ZBTB7C: variants seen among roughly 807,000 people sequenced by gnomAD.
ZBTB7C encodes zinc finger and BTB domain-containing protein 7C.
ZBTB7C carries 8 observed loss-of-function variants against 25.7 expected under a neutral mutation model. The observed-to-expected ratio is 0.31, with a 90% CI of 0.18 to 0.56. The LOEUF (loss-of-function observed/expected upper bound fraction) is 0.56. ZBTB7C is among the 20% of genes least tolerant of loss of function. The pLI is 0.91. For missense variants in ZBTB7C, 824 were observed against 855.2 expected (o/e 0.96, Z 0.46); for synonymous variants, 394 against 369.0 (o/e 1.07, Z -0.78).
chr18:48,370,473 T>A (rs1024310494), intron 1 of ZBTB7C, among the ~76,000 whole-genome samples: 4 of 152,194 alleles, frequency 2.6e-5, no homozygotes, highest in Non-Finnish European at 5.9e-5. Flanking sequence ...AGAATCCTTG[T>A]AGTGATGAAA....
intron 3 of ZBTB7C, among the ~76,000 whole-genome samples, chr18:48,171,906 A>G (rs1165810142): frequency 6.6e-6 from 1 of 152,252 alleles, no homozygotes; most frequent in Non-Finnish European, 1.5e-5. Flanking sequence ...CTTCAAGCTT[A>G]ATCCTTCCAG....
At chr18:48,358,810 G>T (rs1448888548) in intron 1 of ZBTB7C, among the ~76,000 whole-genome samples, 1 of 152,156 alleles carries the variant, frequency 6.6e-6, no homozygotes, top group African/African-American at 2.4e-5. Flanking sequence ...AAAAAACATT[G>T]CACTGTACAC....
intron 2 of ZBTB7C, among the ~76,000 whole-genome samples, chr18:48,277,668 G>T (rs1450902835): frequency 6.6e-6 from 1 of 152,212 alleles, no homozygotes; most frequent in Admixed American, 6.5e-5. Context: ...CCAAAATGTG[G>T]GAAACGGGCA....
At chr18:48,206,077 G>A (rs1229752616) in intron 2 of ZBTB7C, among the ~76,000 whole-genome samples, 1 of 152,176 alleles carries the variant, frequency 6.6e-6, no homozygotes, top group East Asian at 1.9e-4. Flanking sequence ...GTGTATACAT[G>A]TGTGGAAACT....
At position 48,141,554 on chromosome 18, in the gene ZBTB7C, G is replaced by A. The variant is rs74419841; in HGVS notation, c.-17+44380C>T. 6.6e-5 allele frequency among the ~76,000 whole-genome samples: 10 copies of A among 151,600 alleles called. No homozygotes were observed. In the South Asian group the frequency reaches 1.7e-3, roughly 25 times the overall value. ...AATTCTTCCATTGTAGAGAAAATTCGTGAACTGGGCGGGGGGGAAAGTAAC... is the reference window on the plus strand; with the variant it reads ...AATTCTTCCATTGTAGAGAAAATTCATGAACTGGGCGGGGGGGAAAGTAAC... On this transcript the variant is annotated intron_variant, in intron 3 of 4. Coordinates refer to ENST00000590800, the MANE Select transcript of ZBTB7C (RefSeq NM_001318841.2).
chr18:48,265,314 T>C (rs765579935), intron 2 of ZBTB7C, among the ~76,000 whole-genome samples: 4 of 152,210 alleles, frequency 2.6e-5, no homozygotes, highest in Non-Finnish European at 5.9e-5. Flanking sequence ...CTTATTGCAA[T>C]AGTTTCTGAT....
intron 3 of ZBTB7C, among the ~76,000 whole-genome samples, chr18:48,085,073 T>C (rs2038143466): frequency 6.6e-6 from 1 of 152,130 alleles, no homozygotes; most frequent in Non-Finnish European, 1.5e-5. Context: ...CATCTCAGTA[T>C]GGATGAGTTC....
chr18:48,180,083 A>C, intron 3 of ZBTB7C, among the ~76,000 whole-genome samples: 1 of 65,970 alleles, frequency 1.5e-5, no homozygotes. Flanking sequence ...CAAGGAAGAT[A>C]TTTCCCCTTC....
At chr18:48,087,567 C>A (rs2038237272) in intron 3 of ZBTB7C, 1 of 151,988 alleles carries the variant, frequency 6.6e-6, no homozygotes, top group Non-Finnish European at 1.5e-5. Context: ...GAAAAATCCT[C>A]CAAAGCTAGG....
intron 1 of ZBTB7C, among the ~76,000 whole-genome samples, chr18:48,377,672 G>A (rs1316323626): frequency 6.6e-6 from 1 of 152,192 alleles, no homozygotes; most frequent in Non-Finnish European, 1.5e-5. Flanking sequence ...AACTGGAGAA[G>A]AAACAAAGTA....
intron 3 of ZBTB7C, among the ~76,000 whole-genome samples, chr18:48,171,649 G>A (rs887769228): frequency 1.3e-5 from 2 of 152,244 alleles, no homozygotes; most frequent in East Asian, 3.8e-4. Context: ...AACTGTGCTT[G>A]AGTCCTAGCT....
intron 3 of ZBTB7C, among the ~76,000 whole-genome samples, chr18:48,144,006 G>T (rs776436267): frequency 6.6e-6 from 1 of 152,164 alleles, no homozygotes; most frequent in Non-Finnish European, 1.5e-5. Flanking sequence ...GGCCAGGAGC[G>T]GTGGCTCACA....
At chr18:48,082,591 T>C (rs901125046) in intron 3 of ZBTB7C, among the ~76,000 whole-genome samples, 1 of 152,110 alleles carries the variant, frequency 6.6e-6, no homozygotes, top group African/African-American at 2.4e-5. Flanking sequence ...AATTGTAATA[T>C]ATGTCTATGT....
intron 1 of ZBTB7C, among the ~76,000 whole-genome samples, chr18:48,372,082 C>A (rs1376179238): frequency 6.6e-6 from 1 of 152,218 alleles, no homozygotes; most frequent in Non-Finnish European, 1.5e-5. Flanking sequence ...CCCCTCACCC[C>A]AGGGCTGCTC....
At chr18:48,380,866 T>C (rs2047620732) in intron 1 of ZBTB7C, among the ~76,000 whole-genome samples, 1 of 152,222 alleles carries the variant, frequency 6.6e-6, no homozygotes, top group African/African-American at 2.4e-5. Flanking sequence ...GAAAGCTCTC[T>C]GAACTACCAT....
At chr18:48,346,167 C>T (rs72911555) in intron 1 of ZBTB7C, among the ~76,000 whole-genome samples, 9,801 of 152,188 alleles carry the variant, frequency 0.064, 359 homozygotes, top group Non-Finnish European at 0.074. Flanking sequence ...CTCAAGTGAT[C>T]GGCAAATGAC....
chr18:48,187,305 CA>C (rs554949851), intron 2 of ZBTB7C, among the ~76,000 whole-genome samples: 1 of 152,200 alleles, frequency 6.6e-6, no homozygotes, highest in Non-Finnish European at 1.5e-5. Flanking sequence ...GGAGGGAAGT[CA>C]AACGTCTATT....
intron 4 of ZBTB7C, among the ~76,000 whole-genome samples, chr18:48,036,743 C>T (rs1044285952): frequency 2.6e-5 from 4 of 152,102 alleles, no homozygotes; most frequent in Non-Finnish European, 1.5e-5. Flanking sequence ...ACGAGGCAGC[C>T]GTCTCTGCTC....
At chr18:48,271,478 T>C (rs189708562) in intron 2 of ZBTB7C, among the ~76,000 whole-genome samples, 1 of 148,572 alleles carries the variant, frequency 6.7e-6, no homozygotes, top group East Asian at 1.9e-4. Context: ...ATATGATACA[T>C]AAATCAAATA....
Sources: allele counts gnomAD v4.1 joint callset (sites outside exome capture counted in the v4.1 genomes callset), GRCh38; gene constraint gnomAD v4.1.1; transcripts MANE v1.5; gene names NCBI Gene and HGNC (gene_info 2026-07-23, HGNC 2026-07-21).